Variants in SREK1IP1 observed in about 807,000 individuals in gnomAD.
SREK1IP1 encodes the protein SREK1 interacting protein 1, also known as protein SREK1IP1.
Under a neutral mutation model 22.8 loss-of-function variants are expected in SREK1IP1, and 12 were observed. That is an observed-to-expected ratio of 0.53 (90% confidence interval 0.34 to 0.85). The LOEUF is 0.85. SREK1IP1 is among the 40% of genes least tolerant of loss of function. SREK1IP1 has a pLI of 0.02. For synonymous variants in SREK1IP1, 53 were observed against 52.7 expected, an observed-to-expected ratio of 1.01 and a Z score of -0.02; for missense variants, 147 against 171.8, an observed-to-expected ratio of 0.86 and a Z score of 0.81.
intron 3 of SREK1IP1, among the ~76,000 whole-genome samples, chr5:64,731,312 G>A (rs1423150652): frequency 1.3e-5 from 2 of 151,706 alleles, no homozygotes; most frequent in African/African-American, 2.4e-5. Flanking sequence ...CTCAGAGTTC[G>A]AAACCAGCCT....
chr5:64,739,776 A>T (rs528475350), intron 3 of SREK1IP1, among the ~76,000 whole-genome samples: 1 of 152,152 alleles, frequency 6.6e-6, no homozygotes, highest in African/African-American at 2.4e-5. Context: ...ATATACTCAT[A>T]TATGATATGA....
At chr5:64,768,463 C>T in intron 1 of SREK1IP1, 42 bp downstream of exon 1, 1 of 1,614,024 alleles carries the variant, frequency 6.2e-7, no homozygotes. Context: ...CCTTGCGCTC[C>T]CTTCGGAGCT....
At chr5:64,761,460 T>C (rs905747189) in intron 1 of SREK1IP1, among the ~76,000 whole-genome samples, 4 of 152,164 alleles carry the variant, frequency 2.6e-5, no homozygotes, top group Non-Finnish European at 4.4e-5. Context: ...TAAATCTGGG[T>C]GATATAGCCT....
chr5:64,730,250 C>T (rs77077809), intron 3 of SREK1IP1, among the ~76,000 whole-genome samples: 10,134 of 151,924 alleles, frequency 0.067, 1,099 homozygotes, highest in African/African-American at 0.23. Context: ...TATAAAAACG[C>T]CAAATAAATT....
intron 1 of SREK1IP1, among the ~76,000 whole-genome samples, chr5:64,760,811 T>C (rs1005929480): frequency 3.9e-5 from 6 of 152,208 alleles, no homozygotes; most frequent in Non-Finnish European, 8.8e-5. Flanking sequence ...ACAGAAGATA[T>C]TAGACATACC....
chr5:64,728,224 T>G, intron 3 of SREK1IP1, 45 bp from the exon 4 acceptor site: 2 of 1,302,376 alleles, frequency 1.5e-6, no homozygotes, highest in Non-Finnish European at 2.0e-6. Flanking sequence ...TAATATATGA[T>G]TCTATATATT....
At chr5:64,733,132 G>C (rs1742405757) in intron 3 of SREK1IP1, among the ~76,000 whole-genome samples, 1 of 151,456 alleles carries the variant, frequency 6.6e-6, no homozygotes, top group Non-Finnish European at 1.5e-5. Flanking sequence ...CATAGGCAAA[G>C]GTTCTTATAT....
At chr5:64,755,875 G>C (rs1742829983) in intron 1 of SREK1IP1, among the ~76,000 whole-genome samples, 2 of 151,446 alleles carry the variant, frequency 1.3e-5, no homozygotes, top group Admixed American at 1.3e-4. Flanking sequence ...ATACATTAAG[G>C]TTAACAAATA....
chr5:64,760,026 T>C (rs557767769), intron 1 of SREK1IP1, among the ~76,000 whole-genome samples: 3 of 152,366 alleles, frequency 2.0e-5, no homozygotes, highest in African/African-American at 7.2e-5. Context: ...TACTGACTTA[T>C]GTACAATGTT....
chr5:64,765,515 C>G (rs1425477432), intron 1 of SREK1IP1, among the ~76,000 whole-genome samples: 1 of 152,132 alleles, frequency 6.6e-6, no homozygotes, highest in East Asian at 1.9e-4. Flanking sequence ...TCCTTTAATA[C>G]CCTGTCTGGA....
chr5:64,756,393 C>T (rs567058272), intron 1 of SREK1IP1, among the ~76,000 whole-genome samples: 1 of 152,204 alleles, frequency 6.6e-6, no homozygotes, highest in African/African-American at 2.4e-5. Context: ...CTAGGTACTT[C>T]ATATATAGGG....
At chr5:64,724,623 ATAAATT>A (rs761932693) in intron 4 of SREK1IP1, 50 bp from the exon 5 acceptor site, 1 of 1,360,340 alleles carries the variant, frequency 7.4e-7, no homozygotes, top group African/African-American at 1.5e-5. Context: ...TGACTGATAG[ATAAATT>A]TAAGTGGGAT....
chr5:64,724,498 T>C lies in SREK1IP1; in HGVS notation c.354A>G (p.Lys118=). The C allele has an allele frequency of 1.3e-6, 2 of 1,591,418 alleles. No individual in the cohort carries two copies. Among genetic ancestry groups the C allele is most frequent in the African/African-American group, 2.7e-5 (2 of 73,202 alleles). ...KKQKYQKKEK[K]KEKKSKSKKG... ...TTTTTGATTTACTCTTTTTTTCTTTTTTCTTTTCTTTCTTCTGATATTTTT... is the reference window on the plus strand; with the variant it reads ...TTTTTGATTTACTCTTTTTTTCTTTCTTCTTTTCTTTCTTCTGATATTTTT... Residue 118 remains lysine, a synonymous_variant, in exon 5 of 5, where the codon AAA becomes AAG. Coordinates refer to ENST00000513458, the MANE Select transcript of SREK1IP1 (RefSeq NM_173829.4).
chr5:64,745,478 A>G (rs1324937427), intron 2 of SREK1IP1, among the ~76,000 whole-genome samples: 1 of 151,866 alleles, frequency 6.6e-6, no homozygotes, highest in African/African-American at 2.4e-5. Context: ...AATTCCAGCT[A>G]CTCAGGAGGT....
Position 64,724,489 on chromosome 5 carries a change from T to C in SREK1IP1, c.363A>G (p.Lys121=). The C allele has an allele frequency of 6.3e-7, 1 of 1,590,840 alleles. No homozygotes were observed. The highest frequency in any genetic ancestry group is 8.5e-7 in the Non-Finnish European group (1 of 1,173,618). ...KYQKKEKKKE[K]KSKSKKGKHH... is the part of the protein sequence containing the mutation. Reference sequence around the variant, plus strand: ...GTTTCCCTTTTTTTGATTTACTCTTTTTTTCTTTTTTCTTTTCTTTCTTCT... The same window carrying C: ...GTTTCCCTTTTTTTGATTTACTCTTCTTTTCTTTTTTCTTTTCTTTCTTCT... The change falls in exon 5 of 5, where the codon AAA becomes AAG. Residue 121 remains lysine, a synonymous_variant. Transcript: ENST00000513458.
intron 1 of SREK1IP1, among the ~76,000 whole-genome samples, chr5:64,766,538 T>C (rs1743035374): frequency 6.6e-6 from 1 of 152,234 alleles, no homozygotes; most frequent in African/African-American, 2.4e-5. Flanking sequence ...TTGTCTCCAA[T>C]CTACTTTCTA....
rs275819 is a variant in SREK1IP1 at position 64,728,154 on chromosome 5, C to T, written c.231G>A (p.Lys77=). 0.54 allele frequency: 733,301 copies of T among 1,363,450 alleles called. 206,481 individuals are homozygous for T. The highest frequency in any genetic ancestry group is 0.89 in the African/African-American group (57,235 of 64,518). The allele number at this position is 1,363,450 out of a possible 1,614,324, so 84.5% of individuals were successfully genotyped here. The change falls in exon 4 of 5, where the codon AAG becomes AAA. Residue 77 remains lysine (K), a synonymous_variant. Coordinates refer to ENST00000513458, the MANE Select transcript of SREK1IP1 (RefSeq NM_173829.4). ...TGATTTTTTCTTTGCTTTTTTCTTT[C>T]TTCTTTTCCTCTTCTTCATTTATTC... ...EKRINEEEEK[K]KEKSKEKIKL...
chr5:64,728,827 T>C (rs993993781), intron 3 of SREK1IP1, among the ~76,000 whole-genome samples: 1 of 152,222 alleles, frequency 6.6e-6, no homozygotes, highest in Non-Finnish European at 1.5e-5. Flanking sequence ...ACTTTCATTG[T>C]TAGAAACAAT....
intron 4 of SREK1IP1, among the ~76,000 whole-genome samples, chr5:64,727,164 A>G (rs993255515): frequency 1.3e-5 from 2 of 152,092 alleles, no homozygotes; most frequent in African/African-American, 2.4e-5. Context: ...TAAAAACTAC[A>G]AAGTGGCAGC....
Sources: gnomAD v4.1 joint callset for allele counts (sites outside exome capture counted in the v4.1 genomes callset) on GRCh38, gnomAD v4.1.1 for gene constraint, MANE v1.5 for transcripts, NCBI Gene and HGNC (gene_info 2026-07-23, HGNC 2026-07-21) for gene names.